Variants in ADCYAP1R1 observed in about 807,000 individuals in gnomAD.
ADCYAP1R1 encodes the protein ADCYAP receptor type I.
A neutral mutation model predicts 67.6 loss-of-function variants in ADCYAP1R1; 44 were observed. The ratio of observed to expected loss-of-function variants is 0.65; its 90% CI spans 0.51 to 0.84. The LOEUF is 0.84. Ranked by LOEUF, ADCYAP1R1 falls within the 40% of genes least tolerant of loss-of-function variation. The pLI is 0.00. For missense variants in ADCYAP1R1, 477 were observed against 587.9 expected, an observed-to-expected ratio of 0.81 and a Z score of 1.95; for synonymous variants, 222 against 219.6, an observed-to-expected ratio of 1.01 and a Z score of -0.10.
chr7:31,104,781 C>T (rs1237243498), intron 14 of ADCYAP1R1, 87 bp from the exon 15 acceptor site: 1 of 1,462,856 alleles, frequency 6.8e-7, no homozygotes, highest in Admixed American at 1.7e-5. Context: ...TGTATTTCTG[C>T]TTCCTAGAGT....
At chr7:31,076,828 G>A (rs867701141) in intron 3 of ADCYAP1R1, among the ~76,000 whole-genome samples, 1 of 152,126 alleles carries the variant, frequency 6.6e-6, no homozygotes, top group Non-Finnish European at 1.5e-5. Context: ...CTGCTGAGGG[G>A]GTGGATCTGA....
At position 31,063,546 on chromosome 7, in the gene ADCYAP1R1, A is replaced by T. The variant is rs181192811; in HGVS notation, c.51+231A>T. On this transcript the variant is annotated intron_variant, in intron 2 of 15. Transcript: ENST00000304166. Reference sequence around the variant, plus strand: ...ATTACAAAATTTACAAATCTTTATGATGCAACCTTTAGAGTTGCACAGTAC... The same window carrying T: ...ATTACAAAATTTACAAATCTTTATGTTGCAACCTTTAGAGTTGCACAGTAC... 1.2e-4 allele frequency among the ~76,000 whole-genome samples: 15 copies of T among 122,872 alleles called. No homozygotes were observed. In the East Asian group the frequency reaches 2.9e-3, roughly 24 times the overall value. 80.6% of individuals were successfully genotyped at this position (122,872 alleles called of 152,430 possible). A position where few individuals can be genotyped will look rare whatever the true frequency, so the allele number is the denominator to read the frequency against.
chr7:31,079,925 G>A (rs2128627115), intron 4 of ADCYAP1R1, among the ~76,000 whole-genome samples: 1 of 152,344 alleles, frequency 6.6e-6, no homozygotes, highest in Admixed American at 6.5e-5. Context: ...CATGGTGGCA[G>A]CCAGTGAGTG....
intron 1 of ADCYAP1R1, 33 bp from the exon 2 acceptor site, chr7:31,063,155 ACTGGGC>A (rs911036169): frequency 1.2e-4 from 169 of 1,370,316 alleles, no homozygotes; most frequent in Non-Finnish European, 1.6e-4. Flanking sequence ...CGGCCACTGC[ACTGGGC>A]TCACAGGATT....
At chr7:31,092,848 C>T in intron 13 of ADCYAP1R1, 113 bp downstream of exon 13, 1 of 718,540 alleles carries the variant, frequency 1.4e-6, no homozygotes, top group Non-Finnish European at 2.3e-6. Flanking sequence ...CTAGCATCAG[C>T]ATTTGCAGAT....
In ADCYAP1R1 at chr7:31,108,174, T is replaced by C. The variant is rs906762614; in HGVS notation, c.*1490T>C. 3 of 152,228 alleles carry C rather than the reference T, an allele frequency of 2.0e-5. No homozygotes were observed. Among genetic ancestry groups the C allele is most frequent in the Non-Finnish European group, 4.4e-5 (3 of 68,038 alleles). The allele number at this position is 152,228 out of a possible 1,614,324, so 9.4% of individuals were successfully genotyped here. The stretch of plus-strand genomic sequence containing the variant: ...GGTGGAGGAGGATGTTACTTCATTT[T>C]ATAAAGAGGAAGGGGCCTGGGAGAC... On this transcript the variant is annotated 3_prime_UTR_variant, in exon 16 of 16. Coordinates refer to ENST00000304166, the MANE Select transcript of ADCYAP1R1 (RefSeq NM_001118.5).
Position 31,064,805 on chromosome 7 carries a change from A to G in ADCYAP1R1, c.52-26A>G, listed in dbSNP as rs114449432. 5.8e-3 allele frequency: 9,124 copies of G among 1,584,828 alleles called. 428 individuals carry two copies. In the African/African-American group the frequency reaches 0.1, roughly 18 times the overall value. ...ACAGATGGGCCTCCTACCCGCTCCCACCATCCATCCTGTGTTCTCCTACAG... is the reference window on the plus strand; with the variant it reads ...ACAGATGGGCCTCCTACCCGCTCCCGCCATCCATCCTGTGTTCTCCTACAG... On this transcript the variant is annotated intron_variant, in intron 2 of 15. Transcript: ENST00000304166.
chr7:31,078,453 T>TA (rs1157305519), intron 4 of ADCYAP1R1, among the ~76,000 whole-genome samples: 1 of 152,224 alleles, frequency 6.6e-6, no homozygotes, highest in Non-Finnish European at 1.5e-5. Context: ...GGACGCCACT[T>TA]AGCACAGGAC....
At chr7:31,074,632 C>A (rs554139456) in intron 3 of ADCYAP1R1, among the ~76,000 whole-genome samples, 24 of 152,350 alleles carry the variant, frequency 1.6e-4, no homozygotes, top group African/African-American at 5.0e-4. Flanking sequence ...GGGCCAGACG[C>A]AGCCATGCTC....
chr7:31,106,730 C>T lies in ADCYAP1R1; in HGVS notation c.*46C>T, dbSNP rs115508172. The T allele has an allele frequency of 5.6e-5, 86 of 1,530,634 alleles. 1 individual carries two copies. In the African/African-American group the frequency reaches 8.0e-4, roughly 14 times the overall value. The allele number at this position is 1,530,634 out of a possible 1,614,324, so 94.8% of individuals were successfully genotyped here. ...CTCTCCTCCATCCACAGGCTGGGAC[C>T]GCAGGCAGGTGCCAGCCCACGCATG... On this transcript the variant is annotated 3_prime_UTR_variant, in exon 16 of 16. Transcript: ENST00000304166.
Position 31,086,675 on chromosome 7 carries a change from T to C in ADCYAP1R1, c.823+138T>C. ...CCCGAGTCTAATGGCCTAGGCTCTGTCTTGGACTCTTTCTCAATCTTCTTG... is the reference window on the plus strand; with the variant it reads ...CCCGAGTCTAATGGCCTAGGCTCTGCCTTGGACTCTTTCTCAATCTTCTTG... On this transcript the variant is annotated intron_variant, in intron 10 of 15. Transcript: ENST00000304166. This position sits in a 1 kb window ranked among gnomAD's most constrained non-coding sequence, Gnocchi z 5.0. The C allele has an allele frequency of 9.2e-7, 1 of 1,085,484 alleles. No individual in the cohort carries two copies. Among genetic ancestry groups the C allele is most frequent in the Non-Finnish European group, 1.3e-6 (1 of 757,402 alleles). 67.2% of individuals were successfully genotyped at this position (1,085,484 alleles called of 1,614,324 possible).
At chr7:31,100,566 T>A (rs1796396046) in intron 13 of ADCYAP1R1, among the ~76,000 whole-genome samples, 1 of 152,206 alleles carries the variant, frequency 6.6e-6, no homozygotes, top group South Asian at 2.1e-4. Context: ...TCTTAGAGCC[T>A]GAGTTCGTAT....
intron 13 of ADCYAP1R1, chr7:31,095,580 C>T (rs1455596146): frequency 4.2e-6 from 3 of 712,856 alleles, no homozygotes; most frequent in East Asian, 2.7e-5. Context: ...GCCAGAGTCC[C>T]CTGGGGTACC....
chr7:31,081,621 C>A, intron 5 of ADCYAP1R1, 92 bp from the exon 6 acceptor site: 2 of 1,013,710 alleles, frequency 2.0e-6, no homozygotes, highest in Non-Finnish European at 2.9e-6. Context: ...TCCTGTAGAC[C>A]AGGGGTAGCC....
intron 13 of ADCYAP1R1, chr7:31,100,078 C>T (rs1796375475): frequency 6.6e-7 from 1 of 1,523,154 alleles, no homozygotes; most frequent in South Asian, 1.2e-5. Context: ...AGTTTCTTCA[C>T]TGCCTGGTGC....
At position 31,103,294 on chromosome 7, in the gene ADCYAP1R1, A is replaced by G. The variant is rs764342004; in HGVS notation, c.1104A>G (p.Val368=). The change falls in exon 14 of 16, where the codon GTA becomes GTG. Residue 368 remains valine (V), a synonymous_variant. Coordinates refer to ENST00000304166, the MANE Select transcript of ADCYAP1R1 (RefSeq NM_001118.5). ...CACTATTCGGAATCCACTACACAGT[A>G]TTTGCCTTCTCCCCAGAGAATGTCA... The part of the protein sequence containing the change: ...LIPLFGIHYT[V]FAFSPENVSK... The G allele has an allele frequency of 6.2e-7, 1 of 1,614,004 alleles. No individual in the cohort carries two copies. The highest frequency in any genetic ancestry group is 1.3e-5 in the African/African-American group (1 of 74,896).
chr7:31,104,972 G>A, intron 15 of ADCYAP1R1, 63 bp downstream of exon 15: 2 of 1,537,290 alleles, frequency 1.3e-6, no homozygotes, highest in Admixed American at 1.7e-5. Context: ...AGCAGACAGG[G>A]GAACCACCTG....
intron 4 of ADCYAP1R1, among the ~76,000 whole-genome samples, chr7:31,080,246 AC>A (rs1427579407): frequency 6.6e-6 from 1 of 152,170 alleles, no homozygotes; most frequent in Admixed American, 6.5e-5. Context: ...TGTTCACAAA[AC>A]TTGATTGGTG....
chr7:31,097,679 G>A (rs971910345), intron 13 of ADCYAP1R1, among the ~76,000 whole-genome samples: 5 of 151,488 alleles, frequency 3.3e-5, no homozygotes, highest in East Asian at 3.9e-4. Context: ...AGGAGTCTGT[G>A]TTTACCATGG....
Sources: allele counts gnomAD v4.1 joint callset (sites outside exome capture counted in the v4.1 genomes callset), GRCh38; gene constraint gnomAD v4.1.1; non-coding constraint Gnocchi (gnomAD v3.1); transcripts MANE v1.5; gene names NCBI Gene and HGNC (gene_info 2026-07-23, HGNC 2026-07-21).